The following HS3ST5 variants were observed in gnomAD, a reference collection of about 807,000 sequenced individuals.
HS3ST5 encodes heparan sulfate-glucosamine 3-sulfotransferase 5, also known as heparan sulfate glucosamine 3-O-sulfotransferase 5.
A neutral mutation model predicts 25.4 loss-of-function variants in HS3ST5; 10 were observed. The observed-to-expected ratio is 0.39, with a 90% CI of 0.24 to 0.67. HS3ST5 has a LOEUF of 0.67. Ranked by LOEUF, HS3ST5 falls within the 30% of genes least tolerant of loss-of-function variation. The pLI is 0.44. For missense variants in HS3ST5, 324 were observed against 420.7 expected (o/e 0.77, Z 2.01); for synonymous variants, 170 against 162.4 (o/e 1.05, Z -0.36).
chr6:114,336,918 A>G (rs1776634529), intron 1 of HS3ST5, among the ~76,000 whole-genome samples: 1 of 152,214 alleles, frequency 6.6e-6, no homozygotes, highest in South Asian at 2.1e-4. Context: ...TTTATGATAG[A>G]ACAGTTGTGG....
chr6:114,239,828 T>C (rs1306717426), intron 1 of HS3ST5, among the ~76,000 whole-genome samples: 1 of 152,142 alleles, frequency 6.6e-6, no homozygotes, highest in Non-Finnish European at 1.5e-5. Flanking sequence ...TCAGCATCAA[T>C]TAAAATTTGT....
At chr6:114,121,704 A>T (rs1582623811) in intron 3 of HS3ST5, among the ~76,000 whole-genome samples, 2 of 152,302 alleles carry the variant, frequency 1.3e-5, no homozygotes, top group Non-Finnish European at 1.5e-5. Context: ...CCATATTTTT[A>T]AAAAAACAAC....
chr6:114,172,314 A>T (rs1353828974), intron 2 of HS3ST5, among the ~76,000 whole-genome samples: 1 of 152,232 alleles, frequency 6.6e-6, no homozygotes, highest in African/African-American at 2.4e-5. Context: ...GCTAGGCTTC[A>T]GTGTGTTTTC....
intron 1 of HS3ST5, among the ~76,000 whole-genome samples, chr6:114,308,821 C>A (rs1247145576): frequency 6.6e-6 from 1 of 152,090 alleles, no homozygotes; most frequent in Non-Finnish European, 1.5e-5. Flanking sequence ...TCCCTGCATG[C>A]CAACAAAACC....
At chr6:114,267,262 G>T (rs187766430) in intron 1 of HS3ST5, among the ~76,000 whole-genome samples, 270 of 152,270 alleles carry the variant, frequency 1.8e-3, no homozygotes, top group African/African-American at 6.1e-3. Context: ...ATAAGAAAAG[G>T]TACCCATTTT....
chr6:114,309,227 A>G, intron 1 of HS3ST5, among the ~76,000 whole-genome samples: 1 of 152,334 alleles, frequency 6.6e-6, no homozygotes, highest in Middle Eastern at 3.4e-3. Flanking sequence ...TAAAGTCTCT[A>G]AAAGGGTGGT....
rs1422732080 is a variant in HS3ST5 at position 114,246,902 on chromosome 6, A to G, written c.-338-18124T>C. On this transcript the variant is annotated intron_variant, in intron 1 of 4. Coordinates refer to ENST00000312719, the MANE Select transcript of HS3ST5 (RefSeq NM_153612.4). The stretch of plus-strand genomic sequence containing the variant: ...ACAGACAAAACAAAGAAACAAACAG[A>G]AAAAACCAACTTTGAGTGAGAAAGT... Among the ~76,000 whole-genome samples the G allele has an allele frequency of 3.3e-5, 5 of 152,358 alleles. No homozygotes were observed. In the East Asian group the frequency reaches 9.6e-4, roughly 29 times the overall value.
intron 1 of HS3ST5, among the ~76,000 whole-genome samples, chr6:114,323,951 GT>G (rs1776071314): frequency 6.6e-6 from 1 of 152,090 alleles, no homozygotes; most frequent in Non-Finnish European, 1.5e-5. Flanking sequence ...GTTTCCTTCT[GT>G]TAACAAAGAC....
chr6:114,061,489 AT>A (rs777280471), intron 4 of HS3ST5, among the ~76,000 whole-genome samples: 2 of 152,248 alleles, frequency 1.3e-5, no homozygotes, highest in Non-Finnish European at 2.9e-5. Flanking sequence ...CTGCTATGTT[AT>A]TTCTAAATAA....
chr6:114,334,364 T>G (rs755104150), intron 1 of HS3ST5, among the ~76,000 whole-genome samples: 1 of 152,140 alleles, frequency 6.6e-6, no homozygotes, highest in African/African-American at 2.4e-5. Flanking sequence ...TCAGAAAAAG[T>G]GAGCCAAATA....
chr6:114,328,153 G>A (rs1032324855), intron 1 of HS3ST5, among the ~76,000 whole-genome samples: 3 of 151,686 alleles, frequency 2.0e-5, no homozygotes, highest in Non-Finnish European at 2.9e-5. Context: ...TACTTTTTAT[G>A]ATATTCCATA....
chr6:114,161,574 T>TATATAA (rs1396381241), intron 3 of HS3ST5, among the ~76,000 whole-genome samples: 11 of 102,410 alleles, frequency 1.1e-4, no homozygotes, highest in South Asian at 3.2e-4. Context: ...TATATATATA[T>TATATAA]AAAATGCAAT....
intron 3 of HS3ST5, among the ~76,000 whole-genome samples, chr6:114,111,907 TACTCC>T (rs1776284659): frequency 6.6e-6 from 1 of 152,158 alleles, no homozygotes; most frequent in African/African-American, 2.4e-5. Flanking sequence ...CTGATTCCAG[TACTCC>T]ACTCCAGAAA....
At chr6:114,262,904 A>G (rs1389419506) in intron 1 of HS3ST5, among the ~76,000 whole-genome samples, 2 of 152,162 alleles carry the variant, frequency 1.3e-5, no homozygotes, top group Non-Finnish European at 2.9e-5. Context: ...ATCTTCTTTG[A>G]CATTTGAAGA....
chr6:114,250,635 C>T (rs1380471725), intron 1 of HS3ST5, among the ~76,000 whole-genome samples: 2 of 151,960 alleles, frequency 1.3e-5, no homozygotes, highest in African/African-American at 2.4e-5. Context: ...AAGTATATGA[C>T]CATAACAAAT....
chr6:114,120,194 TA>T (rs1399151662), intron 3 of HS3ST5, among the ~76,000 whole-genome samples: 2 of 151,692 alleles, frequency 1.3e-5, no homozygotes, highest in African/African-American at 4.8e-5. Flanking sequence ...AAACCCCAAA[TA>T]AACAATGAAC....
chr6:114,069,144 A>G (rs2114726021), intron 3 of HS3ST5, among the ~76,000 whole-genome samples: 1 of 152,356 alleles, frequency 6.6e-6, no homozygotes, highest in Admixed American at 6.5e-5. Flanking sequence ...AAGAGGAACA[A>G]TAGCAGCAAA....
intron 2 of HS3ST5, among the ~76,000 whole-genome samples, chr6:114,195,821 A>G (rs1320021502): frequency 1.3e-5 from 2 of 152,174 alleles, no homozygotes; most frequent in Non-Finnish European, 2.9e-5. Flanking sequence ...AATAGCCTGA[A>G]AAATCAGCCT....
intron 1 of HS3ST5, among the ~76,000 whole-genome samples, chr6:114,291,561 G>A (rs1161985624): frequency 6.6e-6 from 1 of 152,176 alleles, no homozygotes; most frequent in African/African-American, 2.4e-5. Flanking sequence ...CATGGAGATG[G>A]CAGAGAGTGA....
Sources: allele counts gnomAD v4.1 joint callset (sites outside exome capture counted in the v4.1 genomes callset), GRCh38; gene constraint gnomAD v4.1.1; transcripts MANE v1.5; gene names NCBI Gene and HGNC (gene_info 2026-07-23, HGNC 2026-07-21).